Variants in UIMC1 observed in about 807,000 individuals in gnomAD.
UIMC1 encodes ubiquitin interaction motif containing 1.
A neutral mutation model predicts 84.9 loss-of-function variants in UIMC1; 42 were observed. The ratio of observed to expected loss-of-function variants is 0.49; its 90% confidence interval spans 0.39 to 0.64. UIMC1 has a LOEUF of 0.64. UIMC1 is among the 30% of genes least tolerant of loss of function. The probability of loss-of-function intolerance (pLI) is 0.00; values close to 1 mark genes in which losing one functional copy is unlikely to be tolerated. For synonymous variants in UIMC1, 281 were observed against 293.0 expected, an observed-to-expected ratio of 0.96 and a Z score of 0.42; for missense variants, 825 against 847.6, an observed-to-expected ratio of 0.97 and a Z score of 0.33.
intron 10 of UIMC1, among the ~76,000 whole-genome samples, chr5:176,939,690 C>G (rs1236045733): frequency 6.6e-6 from 1 of 152,176 alleles, no homozygotes; most frequent in African/African-American, 2.4e-5. Context: ...ACAACAAAAT[C>G]ACTTAATGAC....
intron 1 of UIMC1, among the ~76,000 whole-genome samples, chr5:177,021,211 G>T (rs1174216768): frequency 6.6e-6 from 1 of 152,170 alleles, no homozygotes; most frequent in Non-Finnish European, 1.5e-5. Context: ...CCGGGAGACG[G>T]AAGCTGCAGT....
rs538021243 is a variant in UIMC1, at chr5:176,969,470, T to C, written c.463+131A>G. 439 of 1,270,164 alleles carry C rather than the reference T, an allele frequency of 3.5e-4. 5 individuals are homozygous for C. In the South Asian group the frequency reaches 6.1e-3, roughly 18 times the overall value. The allele number at this position is 1,270,164 out of a possible 1,614,324, so 78.7% of individuals were successfully genotyped here. A position where few individuals can be genotyped will look rare whatever the true frequency, so the allele number is the denominator to read the frequency against. On this transcript the variant is annotated intron_variant, in intron 5 of 14. Transcript: ENST00000511320. ...TGCCGGATATTCTTATGATCTCAACTACTTCCTGATTTAACTTCTTTATTA... is the reference window on the plus strand; with the variant it reads ...TGCCGGATATTCTTATGATCTCAACCACTTCCTGATTTAACTTCTTTATTA...
At chr5:176,993,180 CAAA>C (rs71299776) in intron 1 of UIMC1, among the ~76,000 whole-genome samples, 1 of 127,630 alleles carries the variant, frequency 7.8e-6, no homozygotes, top group Non-Finnish European at 1.6e-5. Flanking sequence ...GACTCCATCT[CAAA>C]AAAAAAAAAA....
chr5:176,970,852 C>G lies in UIMC1; in HGVS notation c.247G>C (p.Glu83Gln). ...ATTTTGAGAGCCAGAGCAAACTGTT[C>G]TTCTTCTGTCATCTCTGTAAGAGGA... ...KRKIAQMTEE[E>Q]QFALALKMSE... Residue 83 changes from glutamate (E) to glutamine (Q), a missense_variant, in exon 4 of 15, where the codon GAA becomes CAA. Coordinates refer to ENST00000511320, the MANE Select transcript of UIMC1 (RefSeq NM_001199298.2). 3.1e-6 allele frequency: 5 copies of G among 1,613,880 alleles called. No individual in the cohort carries two copies. The South Asian group carries it at 4.4e-5, about 14-fold the overall frequency.
chr5:177,001,547 A>T (rs564492883), intron 1 of UIMC1: 2 of 152,234 alleles, frequency 1.3e-5, no homozygotes, highest in East Asian at 3.9e-4. Context: ...CAATTCCTAT[A>T]AGAATCCCAC....
At chr5:176,950,100 CT>C (rs779279628) in intron 9 of UIMC1, among the ~76,000 whole-genome samples, 172 of 108,664 alleles carry the variant, frequency 1.6e-3, no homozygotes, top group South Asian at 3.2e-3. Context: ...AGGAACCTTT[CT>C]TTTTTTTTTT....
intron 8 of UIMC1, among the ~76,000 whole-genome samples, chr5:176,954,094 C>T (rs1424917106): frequency 6.6e-6 from 1 of 152,170 alleles, no homozygotes; most frequent in Admixed American, 6.5e-5. Context: ...ACTTAATTAG[C>T]AGGCTAATGA....
intron 2 of UIMC1, 87 bp from the exon 3 acceptor site, chr5:176,975,567 G>T (rs1377417662): frequency 3.2e-6 from 4 of 1,256,858 alleles, no homozygotes; most frequent in Non-Finnish European, 4.6e-6. Context: ...GGCTAAGAGA[G>T]GCCTCTGAGG....
chr5:176,956,860 A>C (rs1766669235), intron 7 of UIMC1, among the ~76,000 whole-genome samples: 1 of 152,096 alleles, frequency 6.6e-6, no homozygotes, highest in East Asian at 1.9e-4. Context: ...AGAAAACCAC[A>C]AGTGATTTAT....
At chr5:177,010,109 G>T (rs150879406), upstream of UIMC1, among the ~76,000 whole-genome samples, 1 of 152,074 alleles carries the variant, frequency 6.6e-6, no homozygotes. Context: ...CCAGCTACTC[G>T]AGAGGCCGAG....
chr5:176,976,409 A>G (rs1770079925), intron 2 of UIMC1, among the ~76,000 whole-genome samples: 2 of 152,226 alleles, frequency 1.3e-5, no homozygotes, highest in South Asian at 4.1e-4. Flanking sequence ...AGTACATGAA[A>G]AGATGCCCAG....
chr5:176,998,071 C>T (rs1773890072), intron 1 of UIMC1, among the ~76,000 whole-genome samples: 4 of 151,998 alleles, frequency 2.6e-5, no homozygotes. Context: ...CACTCATTTG[C>T]GTGATTTTTC....
chr5:176,963,402 C>T (rs1056539173), intron 6 of UIMC1, among the ~76,000 whole-genome samples: 3 of 151,574 alleles, frequency 2.0e-5, no homozygotes, highest in Non-Finnish European at 4.4e-5. Context: ...ATGCCTGTGA[C>T]CCCAGCTACT....
chr5:176,929,634 G>T (rs1430537468), intron 10 of UIMC1, among the ~76,000 whole-genome samples: 1 of 152,136 alleles, frequency 6.6e-6, no homozygotes, highest in Admixed American at 6.5e-5. Context: ...GAATACATAT[G>T]AAACAACAGT....
intron 1 of UIMC1, among the ~76,000 whole-genome samples, chr5:177,004,129 T>C (rs1774938574): frequency 6.6e-6 from 1 of 152,164 alleles, no homozygotes; most frequent in South Asian, 2.1e-4. Context: ...TAAACCAATA[T>C]GCTCAAATTT....
chr5:176,978,400 A>C (rs1401112511), intron 2 of UIMC1, among the ~76,000 whole-genome samples: 1 of 152,090 alleles, frequency 6.6e-6, no homozygotes, highest in Non-Finnish European at 1.5e-5. Flanking sequence ...ATAAAATAAA[A>C]ATCATTTGGT....
intron 8 of UIMC1, among the ~76,000 whole-genome samples, chr5:176,954,747 CAAAA>C (rs79682515): frequency 3.1e-5 from 2 of 63,982 alleles, no homozygotes; most frequent in Non-Finnish European, 3.2e-5. Flanking sequence ...AACTCTGTCT[CAAAA>C]AAAAAAAAAA....
chr5:176,963,264 T>C (rs1293166726), intron 6 of UIMC1, among the ~76,000 whole-genome samples: 1 of 151,276 alleles, frequency 6.6e-6, no homozygotes, highest in African/African-American at 2.4e-5. Flanking sequence ...CTCACATCTG[T>C]AACCCCAGAA....
At chr5:176,947,668 A>G (rs1765305582) in intron 9 of UIMC1, among the ~76,000 whole-genome samples, 1 of 151,900 alleles carries the variant, frequency 6.6e-6, no homozygotes, top group South Asian at 2.1e-4. Flanking sequence ...AACACAAAAA[A>G]TTAGCCAGGC....
Sources: allele counts gnomAD v4.1 joint callset (sites outside exome capture counted in the v4.1 genomes callset), GRCh38; gene constraint gnomAD v4.1.1; transcripts MANE v1.5; gene names NCBI Gene and HGNC (gene_info 2026-07-23, HGNC 2026-07-21).